The following TMEFF2 variants were observed in gnomAD, a reference collection of about 807,000 sequenced individuals.
TMEFF2 encodes transmembrane protein with EGF like and two follistatin like domains 2, also known as tomoregulin-2.
In TMEFF2, 28 loss-of-function variants were observed where a neutral mutation model predicts 53.8. That is an observed-to-expected ratio of 0.52 (90% CI 0.39 to 0.71). TMEFF2 has a LOEUF of 0.71. Ranked by LOEUF, TMEFF2 falls within the 30% of genes least tolerant of loss-of-function variation. The pLI, the probability that TMEFF2 is intolerant of heterozygous loss-of-function variation, is 0.00. For missense variants in TMEFF2, 353 were observed against 455.2 expected (o/e 0.78, Z 2.04); for synonymous variants, 162 against 166.3 (o/e 0.97, Z 0.20).
intron 5 of TMEFF2, among the ~76,000 whole-genome samples, chr2:192,038,807 T>C (rs947789576): frequency 1.3e-5 from 2 of 152,188 alleles, no homozygotes; most frequent in Admixed American, 6.5e-5. Flanking sequence ...ATACTTAAGA[T>C]ACTTGTTGTA....
intron 9 of TMEFF2, among the ~76,000 whole-genome samples, chr2:191,953,243 T>C (rs1450816684): frequency 2.0e-5 from 3 of 152,234 alleles, no homozygotes; most frequent in African/African-American, 7.2e-5. Flanking sequence ...GTTGTTGTGA[T>C]ATTTGCTGCA....
chr2:192,162,253 G>A (rs1690652444), intron 4 of TMEFF2, among the ~76,000 whole-genome samples: 1 of 152,124 alleles, frequency 6.6e-6, no homozygotes, highest in Non-Finnish European at 1.5e-5. Flanking sequence ...TTACAGCCAT[G>A]AAACAAATAT....
rs530393562 is a variant in TMEFF2, at chr2:192,179,419, TACAAACAAACAA to T, written c.439+237_439+248del. 2,062 of 395,108 alleles carry T rather than the reference TACAAACAAACAA, an allele frequency of 5.2e-3. 30 individuals are homozygous for T. The highest frequency in any genetic ancestry group is 0.037 in the African/African-American group (1,800 of 48,038). The allele number at this position is 395,108 out of a possible 1,614,324, so 24.5% of individuals were successfully genotyped here. A position where few individuals can be genotyped will look rare whatever the true frequency, so the allele number is the denominator to read the frequency against. ...ATGCCTATCCATATCAAAGATAACT[TACAAACAAACAA>T]ACAAACAAATGAACAAGGAAGGTTA... On this transcript the variant is annotated intron_variant, in intron 4 of 9. Transcript: ENST00000272771.
chr2:192,194,277 G>T lies in TMEFF2; in HGVS notation c.172+76C>A. On this transcript the variant is annotated intron_variant, in intron 1 of 9. Transcript: ENST00000272771. The surrounding 1 kb of genome is among the most constrained non-coding windows in gnomAD (Gnocchi z 4.2). ...GGTGAGGGGCTGAGGAGGCGCGCTA[G>T]GGTAGGCTGGTCTGTGCTGGATACG... is the stretch of plus-strand genomic sequence containing the variant. The T allele has an allele frequency of 6.4e-7, 1 of 1,558,674 alleles. No homozygotes were observed. The highest frequency in any genetic ancestry group is 2.3e-5 in the East Asian group (1 of 44,314).
chr2:192,175,913 G>A (rs12693641), intron 4 of TMEFF2, among the ~76,000 whole-genome samples: 83,262 of 151,002 alleles, frequency 0.55, 23,088 homozygotes, highest in East Asian at 0.63. Flanking sequence ...AAACAGTAAT[G>A]GAGATATTCA....
At chr2:192,054,276 T>C (rs890376126) in intron 5 of TMEFF2, among the ~76,000 whole-genome samples, 2 of 152,046 alleles carry the variant, frequency 1.3e-5, no homozygotes, top group Non-Finnish European at 2.9e-5. Flanking sequence ...TAGGCTATGC[T>C]TCTCCCAGCA....
At chr2:192,139,271 T>C (rs1290531719) in intron 4 of TMEFF2, among the ~76,000 whole-genome samples, 1 of 152,228 alleles carries the variant, frequency 6.6e-6, no homozygotes, top group Non-Finnish European at 1.5e-5. Flanking sequence ...AATGAGACTT[T>C]AAAAGTGATG....
At chr2:191,990,930 T>C (rs1160513781) in intron 7 of TMEFF2, among the ~76,000 whole-genome samples, 1 of 152,018 alleles carries the variant, frequency 6.6e-6, no homozygotes, top group East Asian at 1.9e-4. Context: ...AGAGTATAAG[T>C]GATTGACTTT....
chr2:192,164,078 T>C lies in TMEFF2; in HGVS notation c.439+15590A>G, dbSNP rs531299812. On this transcript the variant is annotated intron_variant, in intron 4 of 9. Coordinates refer to ENST00000272771, the MANE Select transcript of TMEFF2 (RefSeq NM_016192.4). ...TACTCTTGCCTCATCTACAATTCAT[T>C]CTCCACACAGATGCCAGAGCAATCT... Among the ~76,000 whole-genome samples, 3 of 152,232 alleles carry C rather than the reference T, an allele frequency of 2.0e-5. No homozygotes were observed. In the East Asian group the frequency reaches 5.8e-4, roughly 29 times the overall value.
chr2:192,164,397 C>A (rs1052977599), intron 4 of TMEFF2, among the ~76,000 whole-genome samples: 1 of 152,120 alleles, frequency 6.6e-6, no homozygotes, highest in African/African-American at 2.4e-5. Context: ...TACCACAAAA[C>A]CTAGTAACTT....
chr2:192,189,157 T>C (rs1171363747), intron 2 of TMEFF2, among the ~76,000 whole-genome samples: 1 of 152,174 alleles, frequency 6.6e-6, no homozygotes, highest in East Asian at 1.9e-4. Context: ...TAATGTTTAC[T>C]TTAGTGTTCC....
At chr2:192,131,898 ATTC>A (rs1375760388) in intron 4 of TMEFF2, among the ~76,000 whole-genome samples, 3 of 152,136 alleles carry the variant, frequency 2.0e-5, no homozygotes, top group Non-Finnish European at 4.4e-5. Flanking sequence ...GATCTAAATA[ATTC>A]TTGTCATAAA....
At chr2:192,108,611 T>C (rs529285360) in intron 4 of TMEFF2, among the ~76,000 whole-genome samples, 5 of 152,094 alleles carry the variant, frequency 3.3e-5, no homozygotes, top group African/African-American at 9.6e-5. Context: ...AAATGTAAAA[T>C]AGTACAGTCA....
At chr2:192,009,331 A>AT (rs933952089) in intron 5 of TMEFF2, among the ~76,000 whole-genome samples, 1 of 152,124 alleles carries the variant, frequency 6.6e-6, no homozygotes, top group African/African-American at 2.4e-5. Context: ...GTTTCAATAG[A>AT]TTTTTTCATC....
At chr2:191,951,779 T>G (rs1475171236) in intron 9 of TMEFF2, among the ~76,000 whole-genome samples, 1 of 152,170 alleles carries the variant, frequency 6.6e-6, no homozygotes, top group Non-Finnish European at 1.5e-5. Flanking sequence ...TTTGGTGGTC[T>G]TAAGGCAGAT....
intron 4 of TMEFF2, among the ~76,000 whole-genome samples, chr2:192,152,851 A>T (rs1025595222): frequency 6.6e-6 from 1 of 151,900 alleles, no homozygotes; most frequent in African/African-American, 2.4e-5. Context: ...CTATTATAAT[A>T]ACCAAAGACA....
At chr2:192,046,272 G>A (rs35600682) in intron 5 of TMEFF2, among the ~76,000 whole-genome samples, 37,604 of 152,096 alleles carry the variant, frequency 0.25, 5,144 homozygotes, top group Non-Finnish European at 0.33. Context: ...GCTGAGACAG[G>A]AGAATTGCTT....
At chr2:192,133,446 T>C (rs1689909969) in intron 4 of TMEFF2, among the ~76,000 whole-genome samples, 1 of 152,204 alleles carries the variant, frequency 6.6e-6, no homozygotes, top group Admixed American at 6.5e-5. Context: ...AAACCTGTTA[T>C]CACTCGTCTG....
rs1275318552 is a variant in TMEFF2 at position 191,998,308 on chromosome 2, T to C, written c.699A>G (p.Thr233=). 1.9e-6 allele frequency: 3 copies of C among 1,598,896 alleles called. No homozygotes were observed. Among genetic ancestry groups the C allele is most frequent in the Non-Finnish European group, 8.5e-7 (1 of 1,173,152 alleles). ...AATGCCCATCTTCAGACTTAGTAGT[T>C]GTAGTTGTGTTATCTGTGTTAAAAA... ...SLGRCQDNTT[T]TTKSEDGHYA... The change falls in exon 7 of 10, where the codon ACA becomes ACG. Residue 233 remains threonine, a synonymous_variant. Coordinates refer to ENST00000272771, the MANE Select transcript of TMEFF2 (RefSeq NM_016192.4).
Sources: gnomAD v4.1 joint callset for allele counts (sites outside exome capture counted in the v4.1 genomes callset) on GRCh38, gnomAD v4.1.1 for gene constraint, Gnocchi (gnomAD v3.1) non-coding constraint, MANE v1.5 for transcripts, NCBI Gene and HGNC (gene_info 2026-07-23, HGNC 2026-07-21) for gene names.